SLC24A1: variants seen among roughly 807,000 people sequenced by gnomAD.
The protein encoded by SLC24A1 is sodium/potassium/calcium exchanger 1.
In SLC24A1, 52 loss-of-function variants were observed where a neutral mutation model predicts 88.1. That is an observed-to-expected ratio of 0.59 (90% CI 0.47 to 0.74). The LOEUF (loss-of-function observed/expected upper bound fraction) is 0.74, where lower values mean the gene tolerates loss of function less well. SLC24A1 is among the 30% of genes least tolerant of loss of function. The pLI is 0.00. For synonymous variants in SLC24A1, 455 were observed against 498.0 expected (o/e 0.91, Z 1.15); for missense variants, 1,173 against 1,363.3 (o/e 0.86, Z 2.20).
At chr15:65,614,184 A>G (rs2074062707) in intron 2 of SLC24A1, among the ~76,000 whole-genome samples, 1 of 152,178 alleles carries the variant, frequency 6.6e-6, no homozygotes. Context: ...CTGTCAATGC[A>G]ATCCTCATCT....
intron 6 of SLC24A1, among the ~76,000 whole-genome samples, chr15:65,647,679 C>T (rs1304271111): frequency 6.6e-6 from 1 of 152,076 alleles, no homozygotes; most frequent in Non-Finnish European, 1.5e-5. Context: ...CAGACAGACG[C>T]TCCCATATTT....
chr15:65,617,898 G>C (rs1036436450), upstream of SLC24A1, among the ~76,000 whole-genome samples: 1 of 151,966 alleles, frequency 6.6e-6, no homozygotes, highest in African/African-American at 2.4e-5. Context: ...CTAGAGACAG[G>C]GTCTTGCTAT....
At chr15:65,634,088 G>GT (rs1384133834) in intron 2 of SLC24A1, among the ~76,000 whole-genome samples, 2 of 152,316 alleles carry the variant, frequency 1.3e-5, no homozygotes, top group Non-Finnish European at 2.9e-5. Context: ...GACAAATGGA[G>GT]TGGATTGGGA....
At chr15:65,619,139 A>G (rs2074240155), upstream of SLC24A1, among the ~76,000 whole-genome samples, 1 of 152,250 alleles carries the variant, frequency 6.6e-6, no homozygotes, top group African/African-American at 2.4e-5. Flanking sequence ...TTAGGCCGTG[A>G]CATTGTACAG....
chr15:65,638,807 T>C (rs2141597872), intron 3 of SLC24A1, among the ~76,000 whole-genome samples: 1 of 151,322 alleles, frequency 6.6e-6, no homozygotes, highest in Admixed American at 6.6e-5. Flanking sequence ...ATCAGAGGGA[T>C]GAGGGGGAAG....
At chr15:65,642,705 G>A (rs1193528013) in intron 4 of SLC24A1, among the ~76,000 whole-genome samples, 1 of 152,170 alleles carries the variant, frequency 6.6e-6, no homozygotes, top group Non-Finnish European at 1.5e-5. Context: ...AGGCCACTTC[G>A]AGGGACCACA....
chr15:65,651,504 A>G (rs773182140), intron 7 of SLC24A1, among the ~76,000 whole-genome samples, 166 bp from the exon 8 acceptor site: 2 of 152,118 alleles, frequency 1.3e-5, no homozygotes, highest in African/African-American at 2.4e-5. Flanking sequence ...TTTTCCATCC[A>G]TCTCAAGGTC....
intron 6 of SLC24A1, among the ~76,000 whole-genome samples, chr15:65,649,572 T>A (rs770205433): frequency 6.6e-6 from 1 of 152,188 alleles, no homozygotes; most frequent in Non-Finnish European, 1.5e-5. Context: ...AGTTACTTAG[T>A]TCCTTTTACT....
chr15:65,633,027 C>A (rs62013133), intron 2 of SLC24A1, among the ~76,000 whole-genome samples: 9,514 of 152,226 alleles, frequency 0.062, 313 homozygotes, highest in African/African-American at 0.091. Flanking sequence ...TCTCAACACA[C>A]CAGAGGGTCA....
chr15:65,660,301 C>G, downstream of SLC24A1: 3 of 1,535,288 alleles, frequency 2.0e-6, no homozygotes, highest in Non-Finnish European at 2.6e-6. Context: ...TGAAATGTTT[C>G]AGCATGGTGC....
chr15:65,646,222 A>G (rs1233266481), intron 6 of SLC24A1, among the ~76,000 whole-genome samples: 1 of 151,856 alleles, frequency 6.6e-6, no homozygotes. Flanking sequence ...TCTTGTCTCC[A>G]TGTTTTTCTT....
At chr15:65,623,802 G>A (rs1333421897) in intron 1 of SLC24A1, among the ~76,000 whole-genome samples, 153 bp from the exon 2 acceptor site, 1 of 152,172 alleles carries the variant, frequency 6.6e-6, no homozygotes, top group Non-Finnish European at 1.5e-5. Flanking sequence ...TTCCTCTGGA[G>A]CAGGGGGCAG....
chr15:65,654,146 G>T lies in SLC24A1; in HGVS notation c.*67G>T, dbSNP rs764466581. The T allele has an allele frequency of 3.2e-6, 5 of 1,555,154 alleles. No homozygotes were observed. Among genetic ancestry groups the T allele is most frequent in the Non-Finnish European group, 4.3e-6 (5 of 1,152,130 alleles). ...ATGCAGAAGTTACTGTATCTCTTGT[G>T]ACCCTAATGAAAGAATGTATATGAT... is the stretch of plus-strand genomic sequence containing the variant. On this transcript the variant is annotated 3_prime_UTR_variant, in exon 10 of 10. Transcript: ENST00000261892.
chr15:65,657,817 C>T (rs1230297270), downstream of SLC24A1, among the ~76,000 whole-genome samples: 3 of 152,162 alleles, frequency 2.0e-5, no homozygotes, highest in Non-Finnish European at 4.4e-5. Context: ...GCAGAGCTGC[C>T]TATCCCTGGG....
Position 65,630,736 on chromosome 15 carries a change from C to T in SLC24A1, c.1890+4766C>T, listed in dbSNP as rs151159107. Reference sequence around the variant, plus strand: ...CTGTAATCCCAGCACTTTGGGAGGCCGAGGTGGGTGGATCACTTGAGGTCA... The same window carrying T: ...CTGTAATCCCAGCACTTTGGGAGGCTGAGGTGGGTGGATCACTTGAGGTCA... On this transcript the variant is annotated intron_variant, in intron 2 of 9. Transcript: ENST00000261892. Among the ~76,000 whole-genome samples the T allele has an allele frequency of 3.4e-3, 519 of 152,234 alleles. 2 individuals are homozygous for T. The highest frequency in any genetic ancestry group is 0.012 in the African/African-American group (489 of 41,548).
chr15:65,653,106 C>T (rs886244659), intron 9 of SLC24A1, among the ~76,000 whole-genome samples: 3 of 152,136 alleles, frequency 2.0e-5, no homozygotes, highest in South Asian at 2.1e-4. Flanking sequence ...ACTTTCAAGG[C>T]GGTGGAGGTA....
intron 2 of SLC24A1, among the ~76,000 whole-genome samples, chr15:65,630,048 T>C (rs983311177): frequency 2.0e-5 from 3 of 152,186 alleles, no homozygotes; most frequent in African/African-American, 7.2e-5. Flanking sequence ...CACTACAGCC[T>C]TGACCTCCCA....
rs1378993194 is a variant in SLC24A1, at chr15:65,650,865, C to G, written c.2716C>G (p.Gln906Glu). ...PLSLDWPETRQKQAIYLFLLP... is the reference protein window; with the variant it reads ...PLSLDWPETREKQAIYLFLLP... ...GTCCCTGGACTGGCCTGAAACCAGG[C>G]AGAAGCAGGCCATTTACCTCTTCCT... The change falls in exon 7 of 10, where the codon CAG becomes GAG. Residue 906 changes from glutamine to glutamate, a missense_variant. Gln to Glu is a conservative substitution (Grantham distance 29, BLOSUM62 2). Transcript: ENST00000261892. The surrounding 1 kb of genome is among the most constrained non-coding windows in gnomAD (Gnocchi z 4.1). The G allele has an allele frequency of 1.2e-6, 2 of 1,613,940 alleles. No individual in the cohort carries two copies. The highest frequency in any genetic ancestry group is 2.2e-5 in the East Asian group (1 of 44,870).
chr15:65,625,750 C>T lies in SLC24A1; in HGVS notation c.1670C>T (p.Pro557Leu). The change falls in exon 2 of 10, where the codon CCC (proline) becomes CTC (leucine). Residue 557 changes from proline to leucine, a missense_variant. Physicochemically the swap from Pro to Leu is moderately conservative, Grantham distance 98. Transcript: ENST00000261892. Reference protein sequence around the residue: ...SREILNLTWWPLFRDVSFYIL... With the variant: ...SREILNLTWWLLFRDVSFYIL... ...GAGATCCTCAACCTCACCTGGTGGCCCTTATTCCGTGATGTCTCCTTCTAC... is the reference window on the plus strand; with the variant it reads ...GAGATCCTCAACCTCACCTGGTGGCTCTTATTCCGTGATGTCTCCTTCTAC... 6.2e-7 allele frequency: 1 copy of T among 1,614,012 alleles called. No homozygotes were observed. Among genetic ancestry groups the T allele is most frequent in the Non-Finnish European group, 8.5e-7 (1 of 1,179,874 alleles).
Sources: gnomAD v4.1 joint callset for allele counts (sites outside exome capture counted in the v4.1 genomes callset) on GRCh38, gnomAD v4.1.1 for gene constraint, Gnocchi (gnomAD v3.1) non-coding constraint, MANE v1.5 for transcripts, NCBI Gene and HGNC (gene_info 2026-07-23, HGNC 2026-07-21) for gene names.